CDH3: variants seen among roughly 807,000 people sequenced by gnomAD.
The protein encoded by CDH3 is cadherin 3.
A neutral mutation model predicts 82.0 loss-of-function variants in CDH3; 54 were observed. That is an observed-to-expected ratio of 0.66 (90% confidence interval 0.53 to 0.83). The LOEUF (loss-of-function observed/expected upper bound fraction) is 0.83, where lower values mean the gene tolerates loss of function less well. Ranked by LOEUF, CDH3 falls within the 40% of genes least tolerant of loss-of-function variation. The probability of loss-of-function intolerance (pLI) is 0.00; values close to 1 mark genes in which losing one functional copy is unlikely to be tolerated. For missense variants in CDH3, 1,054 were observed against 1,084.6 expected (o/e 0.97, Z 0.40); for synonymous variants, 446 against 437.9 (o/e 1.02, Z -0.23).
chr16:68,667,293 T>G (rs1231601641), intron 2 of CDH3, among the ~76,000 whole-genome samples: 1 of 152,174 alleles, frequency 6.6e-6, no homozygotes, highest in African/African-American at 2.4e-5. Context: ...GCTAGGTATG[T>G]CCCTAAAGCA....
intron 2 of CDH3, among the ~76,000 whole-genome samples, chr16:68,657,653 C>T (rs1169169890): frequency 6.6e-6 from 1 of 152,154 alleles, no homozygotes; most frequent in Non-Finnish European, 1.5e-5. Flanking sequence ...TGGGCTGCCT[C>T]CCTTCGTGAG....
chr16:68,653,632 C>T (rs2152090676), intron 2 of CDH3, among the ~76,000 whole-genome samples: 1 of 152,056 alleles, frequency 6.6e-6, no homozygotes, highest in South Asian at 2.1e-4. Context: ...TGCTTCTTTC[C>T]TCAAAAGTAG....
intron 2 of CDH3, among the ~76,000 whole-genome samples, chr16:68,726,128 G>C (rs192646719): frequency 2.0e-5 from 3 of 152,304 alleles, no homozygotes; most frequent in African/African-American, 7.2e-5. Flanking sequence ...GGGAACCACT[G>C]TGCCAGGATG....
rs564081886 is a variant in CDH3 at position 68,678,161 on chromosome 16, C to G, written c.274C>G (p.Pro92Ala). ...AAGAAGGTCACTGAAGGAAAGGAAT[C>G]CATTGAAGATCTTCCCATCCAAACG... Reference protein sequence around the residue: ...QERRSLKERNPLKIFPSKRIL... With the variant: ...QERRSLKERNALKIFPSKRIL... Residue 92 changes from proline to alanine, a missense_variant, in exon 4 of 16, where the codon CCA becomes GCA. By Grantham distance (27) the Pro-to-Ala change is conservative. Coordinates refer to ENST00000264012, the MANE Select transcript of CDH3 (RefSeq NM_001793.6). 6.2e-7 allele frequency: 1 copy of G among 1,613,932 alleles called. No individual in the cohort carries two copies. The highest frequency in any genetic ancestry group is 8.5e-7 in the Non-Finnish European group (1 of 1,179,812).
chr16:68,696,798 A>G (rs1451387498), intron 15 of CDH3: 2 of 152,332 alleles, frequency 1.3e-5, no homozygotes, highest in Non-Finnish European at 2.9e-5. Context: ...ATGGCCTTGT[A>G]AAAAACACTC....
At chr16:68,710,951 G>A (rs1451949666) in intron 1 of CDH3, among the ~76,000 whole-genome samples, 1 of 113,954 alleles carries the variant, frequency 8.8e-6, no homozygotes, top group Non-Finnish European at 1.8e-5. Flanking sequence ...GAGGGGAGGA[G>A]AGGGGAGGGG....
Position 68,698,208 on chromosome 16 carries a change from C to G in CDH3, c.2298C>G (p.Asn766Lys), listed in dbSNP as rs1961794399. The G allele has an allele frequency of 1.2e-6, 2 of 1,614,216 alleles. No individual in the cohort carries two copies. The highest frequency in any genetic ancestry group is 3.3e-5 in the Admixed American group (2 of 60,022). ...NFIIENLKAANTDPTAPPYDT... is the reference protein window; with the variant it reads ...NFIIENLKAAKTDPTAPPYDT... ...TGCCGCAGAACCTGAAGGCGGCTAA[C>G]ACAGACCCCACAGCCCCGCCCTACG... Residue 766 changes from asparagine (N) to lysine (K), a missense_variant, in exon 16 of 16, where the codon AAC becomes AAG. Asn to Lys is a moderately conservative substitution (Grantham distance 94). Transcript: ENST00000264012.
Position 68,678,132 on chromosome 16 carries a change from A to G in CDH3, c.247-2A>G, listed in dbSNP as rs1286554934. 6.2e-7 allele frequency: 1 copy of G among 1,613,710 alleles called. No individual in the cohort carries two copies. Among genetic ancestry groups the G allele is most frequent in the East Asian group, 2.2e-5 (1 of 44,872 alleles). Reference sequence around the variant, plus strand: ...TGGGTTAAGGAGTTTCTCTCCTTGCAGGAAAGAAGGTCACTGAAGGAAAGG... The same window carrying G: ...TGGGTTAAGGAGTTTCTCTCCTTGCGGGAAAGAAGGTCACTGAAGGAAAGG... On this transcript the variant is annotated splice_acceptor_variant, in intron 3 of 15. Transcript: ENST00000264012. LOFTEE classifies it high-confidence loss of function.
intron 1 of CDH3, among the ~76,000 whole-genome samples, chr16:68,716,653 CT>C (rs1167169771): frequency 7.1e-6 from 1 of 141,176 alleles, no homozygotes; most frequent in Non-Finnish European, 1.5e-5. Context: ...AAGAAAAAAA[CT>C]GATAACAGTA....
downstream of CDH3, among the ~76,000 whole-genome samples, chr16:68,702,197 A>C (rs548281691): frequency 1.4e-4 from 22 of 152,164 alleles, no homozygotes; most frequent in African/African-American, 5.3e-4. Flanking sequence ...CAGCCTACAC[A>C]CATGCTTTGC....
intron 5 of CDH3, 43 bp from the exon 6 acceptor site, chr16:68,678,719 G>T: frequency 6.2e-7 from 1 of 1,614,148 alleles, no homozygotes; most frequent in Non-Finnish European, 8.5e-7. Context: ...GGCCTGGTGA[G>T]GTGGGTGGCA....
chr16:68,693,734 C>G (rs62057797), intron 13 of CDH3, among the ~76,000 whole-genome samples: 30 of 152,288 alleles, frequency 2.0e-4, no homozygotes, highest in Admixed American at 5.9e-4. Context: ...CAAGGACAGA[C>G]AGCAGTTCCA....
chr16:68,700,928 C>T (rs1266491604), downstream of CDH3, among the ~76,000 whole-genome samples: 2 of 152,256 alleles, frequency 1.3e-5, no homozygotes, highest in African/African-American at 2.4e-5. Flanking sequence ...GACAAAGCCG[C>T]CTCCTGCCTC....
rs895382692 is a variant in CDH3 at position 68,698,602 on chromosome 16, G to C, written c.*202G>C. Reference sequence around the variant, plus strand: ...GAGGAATGTGGGCAGTTTGACTTCAGCACTGAAAACCTCTCCACCTGGGCC... The same window carrying C: ...GAGGAATGTGGGCAGTTTGACTTCACCACTGAAAACCTCTCCACCTGGGCC... On this transcript the variant is annotated 3_prime_UTR_variant, in exon 16 of 16. Transcript: ENST00000264012. The C allele has an allele frequency of 9.4e-5, 56 of 597,930 alleles. No homozygotes were observed. Among genetic ancestry groups the C allele is most frequent in the Admixed American group, 1.5e-4 (5 of 33,836 alleles). The allele number at this position is 597,930 out of a possible 1,614,324, so 37.0% of individuals were successfully genotyped here. A position where few individuals can be genotyped will look rare whatever the true frequency, so the allele number is the denominator to read the frequency against.
chr16:68,700,238 T>C lies in CDH3; in HGVS notation c.*1838T>C, dbSNP rs1228422736. The stretch of plus-strand genomic sequence containing the variant: ...TCATCTTTGCAATTAGCCAAAAGAA[T>C]CTGAAGTGAAGCTGAGGAAATTGCT... On this transcript the variant is annotated 3_prime_UTR_variant, in exon 16 of 16. Coordinates refer to ENST00000264012, the MANE Select transcript of CDH3 (RefSeq NM_001793.6). 6.6e-6 allele frequency: 1 copy of C among 152,234 alleles called. No individual in the cohort carries two copies. The highest frequency in any genetic ancestry group is 1.5e-5 in the Non-Finnish European group (1 of 68,040). 9.4% of individuals were successfully genotyped at this position (152,234 alleles called of 1,614,324 possible). A position where few individuals can be genotyped will look rare whatever the true frequency, so the allele number is the denominator to read the frequency against.
intron 15 of CDH3, chr16:68,696,409 C>A: frequency 4.1e-6 from 1 of 246,308 alleles, no homozygotes; most frequent in South Asian, 5.6e-5. Flanking sequence ...CAGAGCAAGA[C>A]TCCATCTCAA....
chr16:68,733,729 A>G, the CDH3 span, among the ~76,000 whole-genome samples: 1 of 152,152 alleles, frequency 6.6e-6, no homozygotes, highest in South Asian at 2.1e-4. Flanking sequence ...GCAACAGAGC[A>G]AGACCTTGTC....
intron 12 of CDH3, 24 bp downstream of exon 12, chr16:68,687,760 G>T (rs781386616): frequency 1.3e-6 from 2 of 1,569,660 alleles, no homozygotes; most frequent in Non-Finnish European, 1.8e-6. Context: ...TGGTGGTAGC[G>T]GGTGGGGTGC....
chr16:68,712,296 T>A (rs944219544), intron 1 of CDH3, among the ~76,000 whole-genome samples: 1 of 151,820 alleles, frequency 6.6e-6, no homozygotes, highest in Non-Finnish European at 1.5e-5. Flanking sequence ...CTTGACCTCC[T>A]AAATCCTGGG....
Sources: gnomAD v4.1 joint callset for allele counts (sites outside exome capture counted in the v4.1 genomes callset) on GRCh38, gnomAD v4.1.1 for gene constraint, MANE v1.5 for transcripts, NCBI Gene and HGNC (gene_info 2026-07-23, HGNC 2026-07-21) for gene names.